The following CDH4 variants were observed in gnomAD, a reference collection of about 807,000 sequenced individuals.
CDH4 encodes cadherin 4.
Under a neutral mutation model 86.0 loss-of-function variants are expected in CDH4, and 33 were observed. The observed-to-expected ratio is 0.38, with a 90% CI of 0.29 to 0.51. The LOEUF (loss-of-function observed/expected upper bound fraction) is 0.51. Ranked by LOEUF, CDH4 falls within the 20% of genes least tolerant of loss-of-function variation. CDH4 has a pLI of 0.86. For synonymous variants in CDH4, 555 were observed against 549.4 expected, an observed-to-expected ratio of 1.01 and a Z score of -0.14; for missense variants, 1,114 against 1,307.4, an observed-to-expected ratio of 0.85 and a Z score of 2.28.
chr20:61,484,694 G>A (rs1293106556), intron 2 of CDH4, among the ~76,000 whole-genome samples: 1 of 152,130 alleles, frequency 6.6e-6, no homozygotes, highest in African/African-American at 2.4e-5. Flanking sequence ...TGTGCTCATC[G>A]GATCCCTAAG....
chr20:61,557,485 AGTAAATTTTATG>A (rs1410423015), intron 2 of CDH4, among the ~76,000 whole-genome samples: 2 of 152,240 alleles, frequency 1.3e-5, no homozygotes, highest in African/African-American at 4.8e-5. Context: ...TCGAGTGGGA[AGTAAATTTTATG>A]CCCTCCAGGA....
chr20:61,267,218 G>A (rs1461427901), intron 2 of CDH4, among the ~76,000 whole-genome samples: 1 of 152,202 alleles, frequency 6.6e-6, no homozygotes, highest in Non-Finnish European at 1.5e-5. Flanking sequence ...ATTTATTACA[G>A]CAGTCACAGG....
intron 2 of CDH4, among the ~76,000 whole-genome samples, chr20:61,552,335 A>G (rs755368212): frequency 6.6e-5 from 10 of 152,266 alleles, no homozygotes; most frequent in Non-Finnish European, 1.3e-4. Context: ...TCCAAAGAAG[A>G]CATACGAATG....
At chr20:61,431,381 A>G (rs1319780542) in intron 2 of CDH4, among the ~76,000 whole-genome samples, 1 of 133,222 alleles carries the variant, frequency 7.5e-6, no homozygotes, top group Non-Finnish European at 1.5e-5. Context: ...TTTTTTTGAG[A>G]CAGGGTCTTG....
intron 4 of CDH4, among the ~76,000 whole-genome samples, chr20:61,828,035 A>G (rs73917528): frequency 0.067 from 10,141 of 152,258 alleles, 774 homozygotes; most frequent in African/African-American, 0.19. Context: ...TGACATTTCT[A>G]TATGCCCACT....
At chr20:61,468,127 G>A (rs2085483593) in intron 2 of CDH4, among the ~76,000 whole-genome samples, 1 of 152,172 alleles carries the variant, frequency 6.6e-6, no homozygotes, top group African/African-American at 2.4e-5. Context: ...CATCACCTAG[G>A]GGTGATTGAT....
intron 2 of CDH4, among the ~76,000 whole-genome samples, chr20:61,469,748 A>T (rs1473927563): frequency 6.6e-6 from 1 of 152,136 alleles, no homozygotes; most frequent in African/African-American, 2.4e-5. Context: ...ATGGCAAGAG[A>T]TAGGGATCTG....
rs564860346 is a variant in CDH4 at position 61,934,806 on chromosome 20, C to G, written c.2544+586C>G. On this transcript the variant is annotated intron_variant, in intron 15 of 15. Transcript: ENST00000614565. ...AGGTGGCTGCCTTCCAGGGCTGCCG[C>G]CTGACCACCTGCCCAACCTGACACT... is the stretch of plus-strand genomic sequence containing the variant. Among the ~76,000 whole-genome samples, 931 of 152,208 alleles carry G rather than the reference C, an allele frequency of 6.1e-3. 3 individuals carry two copies. The highest frequency in any genetic ancestry group is 8.4e-3 in the Non-Finnish European group (574 of 67,998).
intron 2 of CDH4, among the ~76,000 whole-genome samples, chr20:61,661,470 CTT>C (rs11472090): frequency 4.3e-5 from 5 of 115,080 alleles, no homozygotes; most frequent in Admixed American, 1.8e-4. Context: ...TGCTTTCTGA[CTT>C]TTTTTTTTTT....
At chr20:61,805,886 G>C (rs1275532337) in intron 4 of CDH4, among the ~76,000 whole-genome samples, 1 of 152,206 alleles carries the variant, frequency 6.6e-6, no homozygotes, top group African/African-American at 2.4e-5. Context: ...TCATTGCCCG[G>C]CAGTTGCCAG....
In CDH4 at chr20:61,820,323, G is replaced by A. The variant is rs1387020400; in HGVS notation, c.577-24345G>A. On this transcript the variant is annotated intron_variant, in intron 4 of 15. Coordinates refer to ENST00000614565, the MANE Select transcript of CDH4 (RefSeq NM_001794.5). The stretch of plus-strand genomic sequence containing the variant: ...CCTGGCATAAGAATGCCCTGTGTCC[G>A]TGGGGGACGTATGCAGCCACTGCAG... 5.3e-5 allele frequency among the ~76,000 whole-genome samples: 8 copies of A among 152,334 alleles called. No homozygotes were observed. In the South Asian group the frequency reaches 8.3e-4, roughly 16 times the overall value.
intron 4 of CDH4, among the ~76,000 whole-genome samples, chr20:61,792,709 G>A (rs1479613186): frequency 6.6e-6 from 1 of 151,676 alleles, no homozygotes; most frequent in Non-Finnish European, 1.5e-5. Context: ...GGAGTGTTGT[G>A]GCATGATCTC....
intron 2 of CDH4, among the ~76,000 whole-genome samples, chr20:61,265,783 AG>A (rs1228243558): frequency 6.6e-6 from 1 of 152,228 alleles, no homozygotes; most frequent in Non-Finnish European, 1.5e-5. Context: ...GCTGTGGGTC[AG>A]GGAGGTCTAT....
chr20:61,803,181 G>A (rs1449416203), intron 4 of CDH4, among the ~76,000 whole-genome samples: 9 of 147,666 alleles, frequency 6.1e-5, no homozygotes, highest in African/African-American at 2.0e-4. Context: ...CCGTCGTGGC[G>A]GCTGTGGACG....
chr20:61,409,116 A>G (rs1439445868), intron 2 of CDH4, among the ~76,000 whole-genome samples: 3 of 152,226 alleles, frequency 2.0e-5, no homozygotes, highest in Non-Finnish European at 4.4e-5. Context: ...ACAGATGCCA[A>G]GGCTGCACCG....
intron 7 of CDH4, among the ~76,000 whole-genome samples, chr20:61,890,415 TGATG>T (rs984857702): frequency 3.4e-5 from 5 of 149,106 alleles, no homozygotes; most frequent in Non-Finnish European, 7.4e-5. Context: ...GATGGATGGA[TGATG>T]GATGGATAGA....
intron 4 of CDH4, among the ~76,000 whole-genome samples, chr20:61,818,700 A>AG (rs1980861957): frequency 6.6e-6 from 1 of 151,428 alleles, no homozygotes; most frequent in East Asian, 1.9e-4. Context: ...TAAAAAAAAA[A>AG]AAAAAGCGGG....
chr20:61,570,432 C>T, intron 2 of CDH4: 1 of 510,292 alleles, frequency 2.0e-6, no homozygotes, highest in Non-Finnish European at 3.5e-6. Context: ...TTCAGCAGCC[C>T]TGGTGCTGCC....
chr20:61,674,498 A>G (rs557065285), intron 2 of CDH4, among the ~76,000 whole-genome samples: 27 of 151,944 alleles, frequency 1.8e-4, no homozygotes, highest in African/African-American at 6.0e-4. Context: ...TGCTCAAGAG[A>G]CCCTGGGCCC....
Sources: gnomAD v4.1 joint callset for allele counts (sites outside exome capture counted in the v4.1 genomes callset) on GRCh38, gnomAD v4.1.1 for gene constraint, MANE v1.5 for transcripts, NCBI Gene and HGNC (gene_info 2026-07-23, HGNC 2026-07-21) for gene names.